TMEM132D: variants seen among roughly 807,000 people sequenced by gnomAD.
TMEM132D encodes the protein mature OL transmembrane protein.
Under a neutral mutation model 62.3 loss-of-function variants are expected in TMEM132D, and 21 were observed. That is an observed-to-expected ratio of 0.34 (90% CI 0.24 to 0.49). The LOEUF is 0.49. TMEM132D is among the 20% of genes least tolerant of loss of function. TMEM132D has a pLI of 0.99. For synonymous variants in TMEM132D, 621 were observed against 575.6 expected (o/e 1.08, Z -1.13); for missense variants, 1,346 against 1,402.8 (o/e 0.96, Z 0.65).
At chr12:129,576,249 T>C (rs1877655917) in intron 2 of TMEM132D, among the ~76,000 whole-genome samples, 1 of 151,930 alleles carries the variant, frequency 6.6e-6, no homozygotes, top group South Asian at 2.1e-4. Context: ...GGGTTGAAAC[T>C]GTAGCAATTT....
At chr12:129,112,511 A>T (rs1875750583) in intron 5 of TMEM132D, among the ~76,000 whole-genome samples, 1 of 152,144 alleles carries the variant, frequency 6.6e-6, no homozygotes, top group South Asian at 2.1e-4. Context: ...AAAATATAAA[A>T]AATTAGCCGG....
chr12:129,474,894 G>T (rs182786424), intron 3 of TMEM132D, among the ~76,000 whole-genome samples: 6 of 152,268 alleles, frequency 3.9e-5, no homozygotes, highest in Admixed American at 3.3e-4. Flanking sequence ...AAAAAAGTGA[G>T]TCCTGGATGC....
chr12:129,574,157 G>A (rs1346384760), intron 2 of TMEM132D, among the ~76,000 whole-genome samples: 1 of 151,934 alleles, frequency 6.6e-6, no homozygotes, highest in Non-Finnish European at 1.5e-5. Context: ...GTATATTTAT[G>A]CTTGCATCTT....
At chr12:129,874,972 C>T (rs1335631867) in intron 1 of TMEM132D, among the ~76,000 whole-genome samples, 1 of 152,156 alleles carries the variant, frequency 6.6e-6, no homozygotes, top group African/African-American at 2.4e-5. Context: ...CCGCCATGCC[C>T]GGGCTGCACA....
chr12:129,181,858 C>G (rs1878075785), intron 5 of TMEM132D, among the ~76,000 whole-genome samples: 4 of 152,196 alleles, frequency 2.6e-5, no homozygotes, highest in Admixed American at 6.5e-5. Flanking sequence ...TTTCTTTCAT[C>G]TCCTGGTAAA....
rs545595003 is a variant in TMEM132D, at chr12:129,593,133, G to A, written c.969-61928C>T. On this transcript the variant is annotated intron_variant, in intron 2 of 8. Coordinates refer to ENST00000422113, the MANE Select transcript of TMEM132D (RefSeq NM_133448.3). ...AACTAATCACTCTGGGGAAAAAAAA[G>A]GTTAATCGTTTAGAAACAAGGGTAT... Among the ~76,000 whole-genome samples, 47 of 150,082 alleles carry A rather than the reference G, an allele frequency of 3.1e-4. 1 individual carries two copies. Among genetic ancestry groups the A allele is most frequent in the Middle Eastern group, 3.4e-3 (1 of 292 alleles).
At chr12:129,500,155 G>T (rs1566089400) in intron 3 of TMEM132D, among the ~76,000 whole-genome samples, 1 of 149,060 alleles carries the variant, frequency 6.7e-6, no homozygotes, top group Non-Finnish European at 1.5e-5. Context: ...CCTGAGTGGG[G>T]AGGCAATTCA....
chr12:129,388,148 G>A (rs61945698), intron 3 of TMEM132D, among the ~76,000 whole-genome samples: 1,088 of 36,542 alleles, frequency 0.03, no homozygotes, highest in Middle Eastern at 0.062. Flanking sequence ...ACTAACATGA[G>A]TCCTAATATA....
chr12:129,231,843 G>A (rs895243532), intron 4 of TMEM132D, among the ~76,000 whole-genome samples: 1 of 152,192 alleles, frequency 6.6e-6, no homozygotes, highest in Admixed American at 6.5e-5. Context: ...CTAAGGTCCT[G>A]GGGCACCTGA....
chr12:129,558,894 A>G (rs1402234856), intron 2 of TMEM132D, among the ~76,000 whole-genome samples: 3 of 152,198 alleles, frequency 2.0e-5, no homozygotes, highest in Admixed American at 6.5e-5. Context: ...ATGGCACTCA[A>G]TTATTGGAAC....
At chr12:129,311,803 A>G (rs1351939107) in intron 4 of TMEM132D, among the ~76,000 whole-genome samples, 1 of 152,208 alleles carries the variant, frequency 6.6e-6, no homozygotes, top group Admixed American at 6.5e-5. Context: ...AAACACCCAG[A>G]GTAGGAACAA....
chr12:129,795,108 C>T (rs1020234838), intron 1 of TMEM132D, among the ~76,000 whole-genome samples: 2 of 152,142 alleles, frequency 1.3e-5, no homozygotes, highest in Non-Finnish European at 2.9e-5. Context: ...CACTAAAAAC[C>T]TCCTTACATT....
chr12:129,244,615 GT>G lies in TMEM132D; in HGVS notation c.1300-34953del, dbSNP rs541789149. Among the ~76,000 whole-genome samples, 1,109 of 151,494 alleles carry G rather than the reference GT, an allele frequency of 7.3e-3. 15 individuals carry two copies. The highest frequency in any genetic ancestry group is 0.026 in the African/African-American group (1,059 of 40,970). ...TGGTGGTGTTTTTTTATGTTTGTTT[GT>G]TTTTTGTTTTATTTTTGTTTTGTTT... On this transcript the variant is annotated intron_variant, in intron 4 of 8. Coordinates refer to ENST00000422113, the MANE Select transcript of TMEM132D (RefSeq NM_133448.3).
At chr12:129,581,351 A>G (rs1299285925) in intron 2 of TMEM132D, among the ~76,000 whole-genome samples, 3 of 152,194 alleles carry the variant, frequency 2.0e-5, no homozygotes, top group Admixed American at 1.3e-4. Flanking sequence ...GGATAGATGT[A>G]TATCTGGAAG....
chr12:129,351,031 C>T (rs973364940), intron 3 of TMEM132D, among the ~76,000 whole-genome samples: 3 of 152,180 alleles, frequency 2.0e-5, no homozygotes, highest in African/African-American at 4.8e-5. Flanking sequence ...GGATGGCTGT[C>T]ACCTCAACAA....
intron 2 of TMEM132D, among the ~76,000 whole-genome samples, chr12:129,639,467 C>T (rs1324337438): frequency 6.6e-6 from 1 of 151,350 alleles, no homozygotes; most frequent in Non-Finnish European, 1.5e-5. Flanking sequence ...TTCTTTACTC[C>T]AAGGGCTTTA....
chr12:129,493,834 A>G (rs770337908), intron 3 of TMEM132D, among the ~76,000 whole-genome samples: 7 of 152,214 alleles, frequency 4.6e-5, no homozygotes, highest in Non-Finnish European at 1.0e-4. Flanking sequence ...CTCTGTTGAC[A>G]TGTTTGGGGA....
chr12:129,100,408 T>C (rs1875262628), intron 5 of TMEM132D, among the ~76,000 whole-genome samples: 1 of 152,196 alleles, frequency 6.6e-6, no homozygotes, highest in Admixed American at 6.5e-5. Flanking sequence ...GGAGAGCGTC[T>C]GAGAGGCTGA....
rs572230595 is a variant in TMEM132D at position 129,219,337 on chromosome 12, C to T, written c.1300-9674G>A. Among the ~76,000 whole-genome samples the T allele has an allele frequency of 3.1e-4, 47 of 152,274 alleles. 1 individual carries two copies. The South Asian group carries it at 9.3e-3, about 30-fold the overall frequency. On this transcript the variant is annotated intron_variant, in intron 4 of 8. Transcript: ENST00000422113. Reference sequence around the variant, plus strand: ...ACCATGTAAGACATGCCCTTGCTTCCCCAGCCATGTGGAACTGTGAGTCCA... The same window carrying T: ...ACCATGTAAGACATGCCCTTGCTTCTCCAGCCATGTGGAACTGTGAGTCCA...
Sources: gnomAD v4.1 joint callset for allele counts (sites outside exome capture counted in the v4.1 genomes callset) on GRCh38, gnomAD v4.1.1 for gene constraint, MANE v1.5 for transcripts, NCBI Gene and HGNC (gene_info 2026-07-23, HGNC 2026-07-21) for gene names.